The following PLAGL1 variants were observed in gnomAD, a reference collection of about 807,000 sequenced individuals.
PLAGL1 encodes the protein zinc finger protein PLAGL1.
Under a neutral mutation model 4.6 loss-of-function variants are expected in PLAGL1, and 1 was observed. The ratio of observed to expected loss-of-function variants is 0.22; its 90% CI spans 0.08 to 1.03. The LOEUF is 1.03. Among genes scored for constraint, PLAGL1 ranks in the 50% least tolerant of loss-of-function variants. The pLI, the probability that PLAGL1 is intolerant of heterozygous loss-of-function variation, is 0.58. For missense variants in PLAGL1, 464 were observed against 570.4 expected (o/e 0.81, Z 1.90); for synonymous variants, 240 against 237.8 (o/e 1.01, Z -0.08).
intron 6 of PLAGL1, among the ~76,000 whole-genome samples, chr6:143,956,405 T>G (rs989384498): frequency 6.6e-6 from 1 of 152,152 alleles, no homozygotes; most frequent in Non-Finnish European, 1.5e-5. Context: ...TCCCCCCAGC[T>G]CCTCTTGGAT....
intron 1 of PLAGL1, chr6:144,007,503 G>T (rs1319517649): frequency 6.6e-6 from 1 of 152,174 alleles, no homozygotes; most frequent in East Asian, 1.9e-4. Flanking sequence ...AATTACAGGA[G>T]TATATTCAGT....
Position 143,997,147 on chromosome 6 carries a change from C to T in PLAGL1, c.-584+10943G>A, listed in dbSNP as rs894942478. 1.3e-5 allele frequency among the ~76,000 whole-genome samples: 2 copies of T among 152,122 alleles called. No individual in the cohort carries two copies. The highest frequency in any genetic ancestry group is 2.4e-5 in the African/African-American group (1 of 41,404). ...CTCAAACCCACCAGAGGGCTTAAAG[C>T]GAAAAAGACTAATATCAAGTGCTGA... On this transcript the variant is annotated intron_variant, in intron 1 of 7. Coordinates refer to ENST00000674357, the MANE Select transcript of PLAGL1 (RefSeq NM_001317162.2). The surrounding 1 kb of genome is among the most constrained non-coding windows in gnomAD (Gnocchi z 4.6).
rs1187549608 is a variant in PLAGL1 at position 143,952,098 on chromosome 6, T to A, written c.-324-3638A>T. Reference sequence around the variant, plus strand: ...TTGTGGCTGAGGGTCAAAGCTTAGCTATTAAAAAACGACAACAACAACAAC... The same window carrying A: ...TTGTGGCTGAGGGTCAAAGCTTAGCAATTAAAAAACGACAACAACAACAAC... On this transcript the variant is annotated intron_variant, in intron 6 of 7. Coordinates refer to ENST00000674357, the MANE Select transcript of PLAGL1 (RefSeq NM_001317162.2). The surrounding 1 kb of genome is among the most constrained non-coding windows in gnomAD (Gnocchi z 6.1). Among the ~76,000 whole-genome samples, 1 of 152,156 alleles carries A rather than the reference T, an allele frequency of 6.6e-6. No individual in the cohort carries two copies. The highest frequency in any genetic ancestry group is 1.5e-5 in the Non-Finnish European group (1 of 68,034).
At position 143,947,528 on chromosome 6, in the gene PLAGL1, T is replaced by C. The variant is rs1780044164; in HGVS notation, c.152+457A>G. On this transcript the variant is annotated intron_variant, in intron 7 of 7. Transcript: ENST00000674357. The surrounding 1 kb of genome is among the most constrained non-coding windows in gnomAD (Gnocchi z 4.3). ...CTGCTCCTCCTCGGATAGTACCCTC[T>C]GCACATGGGTGCTTTAAGGCCAAGA... 1.3e-5 allele frequency among the ~76,000 whole-genome samples: 2 copies of C among 152,244 alleles called. No individual in the cohort carries two copies. The highest frequency in any genetic ancestry group is 4.8e-5 in the African/African-American group (2 of 41,464).
Position 143,965,722 on chromosome 6 carries a change from T to C in PLAGL1, c.-431+436A>G, listed in dbSNP as rs1784304615. On this transcript the variant is annotated intron_variant, in intron 4 of 7. Transcript: ENST00000674357. This position sits in a 1 kb window ranked among gnomAD's most constrained non-coding sequence, Gnocchi z 7.5. ...CAGAGGTTGCTTGCTTTACCGAAAG[T>C]GGGGCTGCTCTGGTCTCACAAGGGT... The C allele has an allele frequency of 6.6e-6, 1 of 152,196 alleles. No homozygotes were observed. The highest frequency in any genetic ancestry group is 6.5e-5 in the Admixed American group (1 of 15,280). The allele number at this position is 152,196 out of a possible 1,614,324, so 9.4% of individuals were successfully genotyped here.
At chr6:144,026,267 G>A (rs1164498551) in intron 1 of PLAGL1, among the ~76,000 whole-genome samples, 1 of 152,146 alleles carries the variant, frequency 6.6e-6, no homozygotes, top group African/African-American at 2.4e-5. Flanking sequence ...AATAAATTAT[G>A]TCCCTGGCCT....
chr6:144,062,365 AGACTCC>A (rs764218343), intron 1 of PLAGL1, among the ~76,000 whole-genome samples: 20 of 147,726 alleles, frequency 1.4e-4, no homozygotes, highest in Non-Finnish European at 2.4e-4. Flanking sequence ...TGACAGAGTG[AGACTCC>A]GTCTCAAACA....
rs1431172452 is a variant in PLAGL1 at position 143,966,751 on chromosome 6, T to C, written c.-471-553A>G. On this transcript the variant is annotated intron_variant, in intron 3 of 7. Transcript: ENST00000674357. This position sits in a 1 kb window ranked among gnomAD's most constrained non-coding sequence, Gnocchi z 6.0. ...TGCATAATTTCTAGCATTTTAAACA[T>C]TGATAGAGAAATTATTTTCTTTTCT... 1 of 152,228 alleles carries C rather than the reference T, an allele frequency of 6.6e-6. No homozygotes were observed. Among genetic ancestry groups the C allele is most frequent in the African/African-American group, 2.4e-5 (1 of 41,460 alleles). 9.4% of individuals were successfully genotyped at this position (152,228 alleles called of 1,614,324 possible).
chr6:144,062,380 CAAA>C (rs60916927), intron 1 of PLAGL1, among the ~76,000 whole-genome samples: 1 of 85,938 alleles, frequency 1.2e-5, no homozygotes, highest in African/African-American at 4.1e-5. Context: ...CCGTCTCAAA[CAAA>C]AAAAAAAAAA....
chr6:144,054,356 C>T (rs1275753715), intron 1 of PLAGL1, among the ~76,000 whole-genome samples: 2 of 152,138 alleles, frequency 1.3e-5, no homozygotes, highest in African/African-American at 2.4e-5. Context: ...CCCAAATGAC[C>T]ATTAATGATG....
chr6:143,951,594 C>T (rs1231637672), intron 6 of PLAGL1, among the ~76,000 whole-genome samples: 2 of 152,236 alleles, frequency 1.3e-5, no homozygotes, highest in Non-Finnish European at 2.9e-5. Context: ...CTCTTTCCAG[C>T]CACTTCTTCC....
chr6:143,992,771 A>T (rs1790743792), intron 1 of PLAGL1, among the ~76,000 whole-genome samples: 1 of 152,152 alleles, frequency 6.6e-6, no homozygotes, highest in South Asian at 2.1e-4. Context: ...TGAGGTCAGG[A>T]GTTCAAGACC....
At position 143,950,057 on chromosome 6, in the gene PLAGL1, T is replaced by A. The variant is rs1780701112; in HGVS notation, c.-324-1597A>T. ...TCTTCTGTTGTAGATGTTTTCAGTG[T>A]CTGGACAGAGTTCGCGGTACCAAGC... is the stretch of plus-strand genomic sequence containing the variant. On this transcript the variant is annotated intron_variant, in intron 6 of 7. Transcript: ENST00000674357. This position sits in a 1 kb window ranked among gnomAD's most constrained non-coding sequence, Gnocchi z 6.3. Among the ~76,000 whole-genome samples the A allele has an allele frequency of 6.6e-6, 1 of 152,204 alleles. No homozygotes were observed. The highest frequency in any genetic ancestry group is 6.5e-5 in the Admixed American group (1 of 15,276).
chr6:143,980,171 G>A (rs573175597), intron 2 of PLAGL1, among the ~76,000 whole-genome samples: 6 of 151,952 alleles, frequency 3.9e-5, no homozygotes, highest in South Asian at 2.1e-4. Flanking sequence ...ATTTGATTAC[G>A]GTGTCCCTTG....
At position 143,954,467 on chromosome 6, in the gene PLAGL1, T is replaced by C. The variant is rs951170433; in HGVS notation, c.-325+6002A>G. On this transcript the variant is annotated intron_variant, in intron 6 of 7. Coordinates refer to ENST00000674357, the MANE Select transcript of PLAGL1 (RefSeq NM_001317162.2). This position sits in a 1 kb window ranked among gnomAD's most constrained non-coding sequence, Gnocchi z 5.1. ...GCTGGGACAGGCATTTGAGTCAAACTTGCAAGGGGAACACTTGAGAACCCA... is the reference window on the plus strand; with the variant it reads ...GCTGGGACAGGCATTTGAGTCAAACCTGCAAGGGGAACACTTGAGAACCCA... 5.9e-5 allele frequency among the ~76,000 whole-genome samples: 9 copies of C among 152,162 alleles called. No individual in the cohort carries two copies. Among genetic ancestry groups the C allele is most frequent in the Admixed American group, 4.6e-4 (7 of 15,278 alleles).
chr6:144,001,913 G>C (rs1002151669), intron 1 of PLAGL1, among the ~76,000 whole-genome samples: 1 of 152,068 alleles, frequency 6.6e-6, no homozygotes, highest in Non-Finnish European at 1.5e-5. Flanking sequence ...ATGAAAGACT[G>C]AGAAACTGTC....
chr6:144,054,041 CT>C (rs60978731), intron 1 of PLAGL1, among the ~76,000 whole-genome samples: 12,632 of 152,260 alleles, frequency 0.083, 627 homozygotes, highest in African/African-American at 0.14. Context: ...TCTTAACTTA[CT>C]TATGTCAAAT....
chr6:143,959,059 C>T lies in PLAGL1; in HGVS notation c.-325+1410G>A, dbSNP rs757390561. ...TGTGTGGTCCATCCCCCAGCTCATC[C>T]GCAGGCAGCTTTCATGTGCTGCTCT... On this transcript the variant is annotated intron_variant, in intron 6 of 7. Transcript: ENST00000674357. The surrounding 1 kb of genome is among the most constrained non-coding windows in gnomAD (Gnocchi z 5.3). Among the ~76,000 whole-genome samples the T allele has an allele frequency of 1.2e-4, 19 of 152,216 alleles. No individual in the cohort carries two copies. The highest frequency in any genetic ancestry group is 6.5e-4 in the Admixed American group (10 of 15,288).
intron 2 of PLAGL1, among the ~76,000 whole-genome samples, chr6:143,974,776 G>A (rs1180796242): frequency 6.6e-6 from 1 of 152,118 alleles, no homozygotes. Flanking sequence ...TCTCATCAAA[G>A]AAACCTAGGC....
Sources: gnomAD v4.1 joint callset for allele counts (sites outside exome capture counted in the v4.1 genomes callset) on GRCh38, gnomAD v4.1.1 for gene constraint, Gnocchi (gnomAD v3.1) non-coding constraint, MANE v1.5 for transcripts, NCBI Gene and HGNC (gene_info 2026-07-23, HGNC 2026-07-21) for gene names.